NARF: variants seen among roughly 807,000 people sequenced by gnomAD.
NARF encodes the protein iron-only hydrogenase-like protein 2.
In NARF, 41 loss-of-function variants were observed where a neutral mutation model predicts 48.0. That is an observed-to-expected ratio of 0.85 (90% CI 0.66 to 1.11). The LOEUF is 1.11. Ranked by LOEUF, NARF falls within the 50% of genes least tolerant of loss-of-function variation. The pLI is 0.00. For synonymous variants in NARF, 215 were observed against 225.5 expected (o/e 0.95, Z 0.42); for missense variants, 613 against 590.2 (o/e 1.04, Z -0.40).
chr17:82,472,473 GA>G, intron 4 of NARF, 90 bp from the exon 5 acceptor site: 1 of 1,414,276 alleles, frequency 7.1e-7, no homozygotes, highest in African/African-American at 1.5e-5. Flanking sequence ...GACAGAACGA[GA>G]CTCCGTCTCA....
intron 7 of NARF, chr17:82,483,319 CAAAA>C: frequency 1.5e-5 from 4 of 269,734 alleles, no homozygotes; most frequent in Admixed American, 5.3e-5. Context: ...GACTCCATCT[CAAAA>C]AAAAAAAAAT....
intron 6 of NARF, chr17:82,480,509 G>A (rs961673127): frequency 9.9e-6 from 4 of 402,684 alleles, no homozygotes; most frequent in Non-Finnish European, 1.8e-5. Context: ...TCCTGAGGGA[G>A]GCAGCAGACA....
intron 5 of NARF, among the ~76,000 whole-genome samples, chr17:82,473,864 T>A (rs910611450): frequency 2.0e-5 from 3 of 152,198 alleles, no homozygotes; most frequent in Non-Finnish European, 4.4e-5. Flanking sequence ...GTCCTCTAAT[T>A]TTTTAAATAA....
chr17:82,467,506 G>C (rs1054062719), intron 3 of NARF, among the ~76,000 whole-genome samples: 9 of 151,150 alleles, frequency 6.0e-5, no homozygotes, highest in African/African-American at 2.2e-4. Flanking sequence ...TTTATTTTTG[G>C]AGATGGAGTC....
intron 9 of NARF, among the ~76,000 whole-genome samples, 173 bp downstream of exon 9, chr17:82,485,123 C>T (rs747258881): frequency 2.0e-5 from 3 of 152,168 alleles, no homozygotes; most frequent in Non-Finnish European, 2.9e-5. Flanking sequence ...TCCAAACTTA[C>T]ATTAGAAAGT....
At chr17:82,467,033 T>G (rs985778793) in intron 3 of NARF, among the ~76,000 whole-genome samples, 15 of 150,338 alleles carry the variant, frequency 1.0e-4, no homozygotes, top group Non-Finnish European at 3.0e-5. Context: ...ACCCCACCCT[T>G]GTACTGCGTG....
intron 2 of NARF, chr17:82,462,458 G>A (rs2043461193): frequency 6.6e-6 from 1 of 152,576 alleles, no homozygotes; most frequent in Non-Finnish European, 1.5e-5. Context: ...ATTGCAGGAA[G>A]CCACTTGGGT....
At chr17:82,468,274 GTAC>G (rs1567932505) in intron 3 of NARF, among the ~76,000 whole-genome samples, 1 of 151,174 alleles carries the variant, frequency 6.6e-6, no homozygotes. Flanking sequence ...TCGCGCCACT[GTAC>G]TGTAGCCTGG....
intron 7 of NARF, 69 bp from the exon 8 acceptor site, chr17:82,483,647 T>G: frequency 6.8e-7 from 1 of 1,468,928 alleles, no homozygotes; most frequent in South Asian, 1.1e-5. Flanking sequence ...ATGTCAAATC[T>G]CCTGCAGGGG....
chr17:82,485,273 T>TAGCTGAG, intron 9 of NARF, among the ~76,000 whole-genome samples: 1 of 151,930 alleles, frequency 6.6e-6, no homozygotes, highest in African/African-American at 2.4e-5. Flanking sequence ...TACAAAAAAT[T>TAGCTGAG]TGCCGAGTGT....
chr17:82,458,632 A>AG, upstream of NARF: 3 of 793,682 alleles, frequency 3.8e-6, no homozygotes, highest in Non-Finnish European at 5.4e-6. Context: ...CTATTGGCCC[A>AG]GGGGTGCGGC....
At chr17:82,459,141 C>G in intron 1 of NARF, 1 of 1,154,694 alleles carries the variant, frequency 8.7e-7, no homozygotes, top group Non-Finnish European at 1.1e-6. Context: ...GCGGTCGTGG[C>G]GGGAATGATC....
chr17:82,459,913 T>C (rs2043391363), intron 1 of NARF, 79 bp from the exon 2 acceptor site: 1 of 1,027,896 alleles, frequency 9.7e-7, no homozygotes, highest in African/African-American at 1.6e-5. Flanking sequence ...ATACATGAGC[T>C]TCATTGGTCA....
At chr17:82,487,784 C>A in intron 10 of NARF, 132 bp from the exon 11 acceptor site, 6 of 649,886 alleles carry the variant, frequency 9.2e-6, no homozygotes, top group Non-Finnish European at 1.5e-5. Context: ...CCGCCCCTCC[C>A]GCCCAATCTC....
rs185056075 is a variant in NARF at position 82,489,938 on chromosome 17, C to G, written c.*1781C>G. Reference sequence around the variant, plus strand: ...CGCCTCCTGGGTTCAAGCGATTCTCCTGCCTCAGCCTCTGGAGTAGCTGGG... The same window carrying G: ...CGCCTCCTGGGTTCAAGCGATTCTCGTGCCTCAGCCTCTGGAGTAGCTGGG... On this transcript the variant is annotated 3_prime_UTR_variant, in exon 11 of 11. Transcript: ENST00000309794. The G allele has an allele frequency of 6.6e-6, 1 of 152,386 alleles. No individual in the cohort carries two copies. The highest frequency in any genetic ancestry group is 6.5e-5 in the Admixed American group (1 of 15,304). The allele number at this position is 152,386 out of a possible 1,614,324, so 9.4% of individuals were successfully genotyped here.
chr17:82,487,779 C>G (rs1473813205), intron 10 of NARF, 137 bp from the exon 11 acceptor site: 1 of 567,878 alleles, frequency 1.8e-6, no homozygotes, highest in Non-Finnish European at 3.1e-6. Context: ...AACACCCGCC[C>G]CTCCCGCCCA....
intron 5 of NARF, among the ~76,000 whole-genome samples, chr17:82,474,227 A>T (rs182281190): frequency 2.8e-4 from 42 of 152,326 alleles, no homozygotes; most frequent in Non-Finnish European, 5.4e-4. Flanking sequence ...TCTCAGATGT[A>T]CAAATAATTA....
intron 6 of NARF, 92 bp downstream of exon 6, chr17:82,479,010 G>C (rs74398777): frequency 8.0e-7 from 1 of 1,245,690 alleles, no homozygotes; most frequent in Non-Finnish European, 1.1e-6. Context: ...TCTGTCCAGC[G>C]TGGTCACGGC....
intron 2 of NARF, 84 bp from the exon 3 acceptor site, chr17:82,464,203 T>A: frequency 2.0e-6 from 3 of 1,506,702 alleles, no homozygotes; most frequent in Non-Finnish European, 2.7e-6. Flanking sequence ...TACTGTGAAT[T>A]CTGTATATGG....
Sources: gnomAD v4.1 joint callset for allele counts (sites outside exome capture counted in the v4.1 genomes callset) on GRCh38, gnomAD v4.1.1 for gene constraint, MANE v1.5 for transcripts, NCBI Gene and HGNC (gene_info 2026-07-23, HGNC 2026-07-21) for gene names.